The following POLG variants were observed in gnomAD, a reference collection of about 807,000 sequenced individuals.
POLG encodes DNA polymerase subunit gamma-1.
Under a neutral mutation model 155.4 loss-of-function variants are expected in POLG, and 110 were observed. The observed-to-expected ratio is 0.71, with a 90% confidence interval of 0.61 to 0.83. POLG has a LOEUF of 0.83. POLG is among the 40% of genes least tolerant of loss of function. The pLI, the probability that POLG is intolerant of heterozygous loss-of-function variation, is 0.00. For missense variants in POLG, 1,685 were observed against 1,627.5 expected (o/e 1.04, Z -0.61); for synonymous variants, 701 against 631.5 (o/e 1.11, Z -1.65).
At chr15:89,321,586 T>A (rs369601392) in intron 16 of POLG, 150 bp downstream of exon 16, 7 of 778,370 alleles carry the variant, frequency 9.0e-6, no homozygotes, top group South Asian at 6.8e-5. Context: ...TGGACAGAAA[T>A]CATGAAGCCA....
chr15:89,332,614 G>A (rs1596361682), intron 2 of POLG, among the ~76,000 whole-genome samples: 2 of 70,334 alleles, frequency 2.8e-5, no homozygotes, highest in Non-Finnish European at 7.8e-5. Flanking sequence ...GCAGGGGGGC[G>A]GGGGGGTGTT....
chr15:89,330,469 A>G (rs1200235073), intron 2 of POLG, among the ~76,000 whole-genome samples, 193 bp from the exon 3 acceptor site: 1 of 152,198 alleles, frequency 6.6e-6, no homozygotes, highest in Non-Finnish European at 1.5e-5. Flanking sequence ...GCTGGCGGGC[A>G]AGAGCTACAA....
chr15:89,328,752 G>A lies in POLG; in HGVS notation c.1103C>T (p.Pro368Leu), dbSNP rs777985236. The A allele has an allele frequency of 1.2e-6, 2 of 1,614,116 alleles. No individual in the cohort carries two copies. The highest frequency in any genetic ancestry group is 1.7e-5 in the Admixed American group (1 of 60,028). Residue 368 changes from proline to leucine, a missense_variant, in exon 5 of 23, where the codon CCC (proline) becomes CTC (leucine). By Grantham distance (98) the Pro-to-Leu change is moderately conservative. Around this residue, in one of 3 missense-constraint regions of POLG, gnomAD observed 1,210 missense variants for 1,167.1 expected, o/e 1.04. Coordinates refer to ENST00000268124, the MANE Select transcript of POLG (RefSeq NM_002693.3). ...CAGTTCTCGAGGCTCCTTCTCTAAG[G>A]GAGGCCCCCCTACATAAAGTCTGTG... The part of the protein sequence containing the change: ...EVHRLYVGGP[P>L]LEKEPRELFV...
At chr15:89,318,054 C>A in intron 21 of POLG, 1 of 264,564 alleles carries the variant, frequency 3.8e-6, no homozygotes, top group Non-Finnish European at 7.5e-6. Context: ...GAAAATACAA[C>A]TCAATATATA....
At chr15:89,319,682 A>AAC (rs2055365733) in intron 18 of POLG, among the ~76,000 whole-genome samples, 1 of 152,120 alleles carries the variant, frequency 6.6e-6, no homozygotes, top group Non-Finnish European at 1.5e-5. Flanking sequence ...CCCAATGACC[A>AAC]ACACGGGCCT....
In POLG at chr15:89,316,847, G is replaced by C. The variant is rs1446815923; in HGVS notation, c.3644-20C>G. 6.4e-7 allele frequency: 1 copy of C among 1,574,684 alleles called. No homozygotes were observed. Among genetic ancestry groups the C allele is most frequent in the Non-Finnish European group, 8.7e-7 (1 of 1,144,128 alleles). On this transcript the variant is annotated intron_variant, in intron 22 of 22. Coordinates refer to ENST00000268124, the MANE Select transcript of POLG (RefSeq NM_002693.3). ...CTTCACCTGAAAGATAGTGCAAATT[G>C]GTTAGGATGCCACCTCAAGAACTGT...
rs896033508 is a variant in POLG at position 89,321,106 on chromosome 15, A to G, written c.2734+19T>C. On this transcript the variant is annotated intron_variant, in intron 17 of 22. Coordinates refer to ENST00000268124, the MANE Select transcript of POLG (RefSeq NM_002693.3). ...ATATGCTGAGGGGCTGGGCTGCCCC[A>G]ACCCCGGCTCCTGCTCACCATGCAT... is the stretch of plus-strand genomic sequence containing the variant. 2 of 1,614,204 alleles carry G rather than the reference A, an allele frequency of 1.2e-6. No homozygotes were observed. The highest frequency in any genetic ancestry group is 1.7e-6 in the Non-Finnish European group (2 of 1,180,038).
At position 89,326,759 on chromosome 15, in the gene POLG, A is replaced by C. The variant is rs908825194; in HGVS notation, c.1586-21T>G. On this transcript the variant is annotated intron_variant, in intron 8 of 22. Coordinates refer to ENST00000268124, the MANE Select transcript of POLG (RefSeq NM_002693.3). ...GAGGTCTGTGAGGGTGGGGGAAGACAATCAGGAGCAGGAGAAGGAACTCTC... is the reference window on the plus strand; with the variant it reads ...GAGGTCTGTGAGGGTGGGGGAAGACCATCAGGAGCAGGAGAAGGAACTCTC... The C allele has an allele frequency of 3.8e-5, 61 of 1,613,932 alleles. No individual in the cohort carries two copies. The highest frequency in any genetic ancestry group is 4.8e-5 in the Non-Finnish European group (57 of 1,180,006).
intron 16 of POLG, among the ~76,000 whole-genome samples, 163 bp downstream of exon 16, chr15:89,321,573 G>A (rs537668387): frequency 3.3e-5 from 5 of 152,306 alleles, no homozygotes; most frequent in African/African-American, 4.8e-5. Context: ...TTTACTGAAG[G>A]AGTGGACAGA....
intron 21 of POLG, 137 bp downstream of exon 21, chr15:89,318,404 G>A (rs1015166371): frequency 2.9e-6 from 2 of 685,566 alleles, no homozygotes; most frequent in East Asian, 2.7e-5. Flanking sequence ...TTAAAAATTA[G>A]AAATAAATAA....
rs774879097 is a variant in POLG at position 89,327,045 on chromosome 15, C to T, written c.1452G>A (p.Trp484Ter). ...LSGERYKEDPWLWDLEWDLQE... is the reference protein window; with the variant it reads ...LSGERYKEDP ...GCAGGTCCCACTCCAGGTCCCAGAG[C>T]CAGGGGTCTTCTTTGTACCTACAGA... Residue 484 changes from tryptophan (W) to a stop codon, truncating the protein, a stop_gained, in exon 8 of 23, where the codon TGG (tryptophan) becomes TGA (stop). Coordinates refer to ENST00000268124, the MANE Select transcript of POLG (RefSeq NM_002693.3). LOFTEE classifies it high-confidence loss of function. 1.9e-6 allele frequency: 3 copies of T among 1,614,236 alleles called. No homozygotes were observed. The South Asian group carries it at 3.3e-5, about 18-fold the overall frequency.
rs796052908 is a variant in POLG at position 89,327,328 on chromosome 15, CAG to C, written c.1270_1271del (p.Leu424GlyfsTer29). The C allele has an allele frequency of 3.1e-6, 5 of 1,613,734 alleles. No individual in the cohort carries two copies. The highest frequency in any genetic ancestry group is 1.1e-5 in the South Asian group (1 of 91,080). ...FLERCPHPVT[L>X]AGMLEMGVSY... ...AGACACCCATCTCCAGCATGCCGGC[CAG>C]AGTCACTGGGTGGGGACACCTTGGA... On this transcript the variant is annotated frameshift_variant, in exon 7 of 23. Transcript: ENST00000268124. LOFTEE classifies it high-confidence loss of function.
intron 8 of POLG, 68 bp downstream of exon 8, chr15:89,326,844 C>A: frequency 2.5e-6 from 4 of 1,609,134 alleles, no homozygotes; most frequent in Admixed American, 1.7e-5. Flanking sequence ...TTCGAAGGAC[C>A]CCCTCAATCA....
chr15:89,330,785 T>C (rs1467076442), intron 2 of POLG, among the ~76,000 whole-genome samples: 1 of 149,974 alleles, frequency 6.7e-6, no homozygotes, highest in African/African-American at 2.5e-5. Flanking sequence ...ATGAATCATC[T>C]CACGGCTGAA....
Position 89,333,750 on chromosome 15 carries a change from C to G in POLG, c.5G>C (p.Ser2Thr). 1 of 1,535,274 alleles carries G rather than the reference C, an allele frequency of 6.5e-7. No homozygotes were observed. Among genetic ancestry groups the G allele is most frequent in the Non-Finnish European group, 8.7e-7 (1 of 1,146,470 alleles). The stretch of plus-strand genomic sequence containing the variant: ...GGCCACCTTCCTCCAGAGCAGGCGG[C>G]TCATGGTTGGTGCAGGGACCCCCAC... The part of the protein sequence containing the change: M[S>T]RLLWRKVAGA... Residue 2 changes from serine (S) to threonine (T), a missense_variant, in exon 2 of 23, where the codon AGC (serine) becomes ACC (threonine). By Grantham distance (58) the Ser-to-Thr change is moderately conservative. Transcript: ENST00000268124.
At chr15:89,317,656 G>T (rs1192626476) in intron 21 of POLG, 120 bp from the exon 22 acceptor site, 6 of 960,438 alleles carry the variant, frequency 6.2e-6, no homozygotes, top group Non-Finnish European at 9.9e-6. Flanking sequence ...CACCCCATCT[G>T]TTCACTTAGC....
Position 89,321,165 on chromosome 15 carries a change from A to G in POLG, c.2694T>C (p.Ile898=). Residue 898 remains isoleucine, a synonymous_variant, in exon 17 of 23, where the codon ATT becomes ATC. Coordinates refer to ENST00000268124, the MANE Select transcript of POLG (RefSeq NM_002693.3). ...AGTGGGCGTCTCCAAGCACAGCTGC[A>G]ATCCACAGCTCTTGGGAGTCCACAT... is the stretch of plus-strand genomic sequence containing the variant. ...GADVDSQELW[I]AAVLGDAHFA... 1 of 1,614,238 alleles carries G rather than the reference A, an allele frequency of 6.2e-7. No homozygotes were observed. The highest frequency in any genetic ancestry group is 1.1e-5 in the South Asian group (1 of 91,088).
At chr15:89,328,021 T>A (rs2152067506) in intron 6 of POLG, among the ~76,000 whole-genome samples, 1 of 149,262 alleles carries the variant, frequency 6.7e-6, no homozygotes, top group Non-Finnish European at 1.5e-5. Context: ...AGCAAGCTAT[T>A]AGTAGTTAAG....
At position 89,326,998 on chromosome 15, in the gene POLG, G is replaced by T. The variant is rs780901280; in HGVS notation, c.1499C>A (p.Ala500Asp). The T allele has an allele frequency of 1.2e-5, 20 of 1,614,138 alleles. No homozygotes were observed. In the South Asian group the frequency reaches 1.9e-4, roughly 15 times the overall value. The change falls in exon 8 of 23, where the codon GCT becomes GAT. Residue 500 changes from alanine to aspartate, a missense_variant. This residue lies in a region of POLG where 1,210 missense variants were observed against 1,167.1 expected (regional missense o/e 1.04). Transcript: ENST00000268124. ...WDLQEFKQKK[A>D]KKVKKEPATA... Reference sequence around the variant, plus strand: ...GGCTGGTTCCTTCTTCACCTTCTTAGCTTTCTTCTGCTTAAATTCTTGCAG... The same window carrying T: ...GGCTGGTTCCTTCTTCACCTTCTTATCTTTCTTCTGCTTAAATTCTTGCAG...
Sources: gnomAD v4.1 joint callset for allele counts (sites outside exome capture counted in the v4.1 genomes callset) on GRCh38, gnomAD v4.1.1 for gene constraint, gnomAD v4.1.1 regional missense constraint, MANE v1.5 for transcripts, NCBI Gene and HGNC (gene_info 2026-07-23, HGNC 2026-07-21) for gene names.